CD226: variants seen among roughly 807,000 people sequenced by gnomAD.
CD226 encodes the protein CD226 molecule.
A neutral mutation model predicts 34.9 loss-of-function variants in CD226; 24 were observed. That is an observed-to-expected ratio of 0.69 (90% CI 0.50 to 0.97). The LOEUF (loss-of-function observed/expected upper bound fraction) is 0.97, where lower values mean the gene tolerates loss of function less well. Among genes scored for constraint, CD226 ranks in the 50% least tolerant of loss-of-function variants. The pLI is 0.00. For synonymous variants in CD226, 148 were observed against 147.4 expected (o/e 1.00, Z -0.03); for missense variants, 397 against 412.7 (o/e 0.96, Z 0.33).
At position 69,872,057 on chromosome 18, in the gene CD226, G is replaced by GGTGTGTGTGTGTGTGT. The variant is rs201644137; in HGVS notation, c.830+1071_830+1086dup. ...GACACTGGAAATCCTATTAACAAGG[G>GGTGTGTGTGTGTGTGT]GTGTGTGTGTGTGTGTGTGTGTGTG... On this transcript the variant is annotated intron_variant, in intron 4 of 5. Coordinates refer to ENST00000582621, the MANE Select transcript of CD226 (RefSeq NM_001303618.2). Among the ~76,000 whole-genome samples, 65 of 143,530 alleles carry GGTGTGTGTGTGTGTGT rather than the reference G, an allele frequency of 4.5e-4. 1 individual carries two copies. Among genetic ancestry groups the GGTGTGTGTGTGTGTGT allele is most frequent in the African/African-American group, 1.5e-3 (58 of 38,216 alleles). 94.2% of individuals were successfully genotyped at this position (143,530 alleles called of 152,430 possible).
upstream of CD226, among the ~76,000 whole-genome samples, chr18:69,960,465 G>GTTT (rs1320893835): frequency 6.6e-6 from 1 of 152,064 alleles, no homozygotes; most frequent in Middle Eastern, 3.2e-3. Context: ...CGTTGTTGTT[G>GTTT]TTGAGATGGA....
At position 69,863,924 on chromosome 18, in the gene CD226, G is replaced by C. The variant is rs1599366932; in HGVS notation, c.*390C>G. 1 of 156,402 alleles carries C rather than the reference G, an allele frequency of 6.4e-6. No homozygotes were observed. The highest frequency in any genetic ancestry group is 2.0e-4 in the South Asian group (1 of 4,922). The allele number at this position is 156,402 out of a possible 1,614,324, so 9.7% of individuals were successfully genotyped here. A position where few individuals can be genotyped will look rare whatever the true frequency, so the allele number is the denominator to read the frequency against. The stretch of plus-strand genomic sequence containing the variant: ...TGGCAGCCATCTTGCCAACACAAGA[G>C]GAAAGCCTGCATGAGAGTGAGGCCA... On this transcript the variant is annotated 3_prime_UTR_variant, in exon 6 of 6. Transcript: ENST00000582621.
intron 4 of CD226, among the ~76,000 whole-genome samples, chr18:69,872,057 GGTGTGTGTGTGTGTGTGTGT>G (rs201644137): frequency 2.1e-5 from 3 of 143,430 alleles, no homozygotes; most frequent in African/African-American, 7.9e-5. Flanking sequence ...ATTAACAAGG[GGTGTGTGTGTGTGTGTGTGT>G]GTGTGTGTGT....
intron 2 of CD226, among the ~76,000 whole-genome samples, chr18:69,931,867 A>G (rs572501979): frequency 2.0e-5 from 3 of 152,288 alleles, no homozygotes; most frequent in Non-Finnish European, 2.9e-5. Context: ...GGGCTGCCAT[A>G]ATAAAGTACC....
upstream of CD226, among the ~76,000 whole-genome samples, chr18:69,950,656 G>C (rs1241890198): frequency 2.6e-5 from 4 of 152,118 alleles, no homozygotes; most frequent in Non-Finnish European, 5.9e-5. Flanking sequence ...CACAAAGTCA[G>C]AGACTTTGTG....
chr18:69,950,159 T>TAC (rs528924097), upstream of CD226, among the ~76,000 whole-genome samples: 1,586 of 48,502 alleles, frequency 0.033, 10 homozygotes, highest in Non-Finnish European at 0.11. Flanking sequence ...CATCTGCACG[T>TAC]ACTCTCAAAC....
intron 5 of CD226, among the ~76,000 whole-genome samples, chr18:69,864,873 C>G (rs1983040162): frequency 6.6e-6 from 1 of 152,076 alleles, no homozygotes; most frequent in Admixed American, 6.5e-5. Context: ...GTCACTTTGA[C>G]CACATATGTA....
At chr18:69,884,230 C>G (rs1311156831) in intron 3 of CD226, among the ~76,000 whole-genome samples, 3 of 152,072 alleles carry the variant, frequency 2.0e-5, no homozygotes, top group Non-Finnish European at 4.4e-5. Context: ...CCACATGGAG[C>G]CTTGTGGAAT....
In CD226 at chr18:69,854,401, G is replaced by C. The variant is rs1982555927; in HGVS notation, c.*9913C>G. The C allele has an allele frequency of 6.6e-6, 1 of 152,236 alleles. No individual in the cohort carries two copies. The highest frequency in any genetic ancestry group is 6.5e-5 in the Admixed American group (1 of 15,288). The allele number at this position is 152,236 out of a possible 1,614,324, so 9.4% of individuals were successfully genotyped here. ...TGTGAGCAAGAAACCCATGGGGGCTGTGCTCTTGAGGCACTCCACACATTC... is the reference window on the plus strand; with the variant it reads ...TGTGAGCAAGAAACCCATGGGGGCTCTGCTCTTGAGGCACTCCACACATTC... On this transcript the variant is annotated 3_prime_UTR_variant, in exon 6 of 6. Coordinates refer to ENST00000582621, the MANE Select transcript of CD226 (RefSeq NM_001303618.2).
intron 5 of CD226, among the ~76,000 whole-genome samples, chr18:69,865,391 CT>C (rs1342715565): frequency 3.3e-5 from 5 of 151,312 alleles, no homozygotes; most frequent in Non-Finnish European, 7.4e-5. Flanking sequence ...GTTCTAATGT[CT>C]TTTTTTGACA....
chr18:69,873,147 T>C lies in CD226; in HGVS notation c.827A>G (p.Asn276Ser). Residue 276 changes from asparagine (N) to serine (S), a missense_variant, in exon 4 of 6, where the codon AAC (asparagine) becomes AGC (serine). By Grantham distance (46) the Asn-to-Ser change is conservative. Transcript: ENST00000582621. ...CAGCATAAGTTGCACTACTCACCTG[T>C]TAAGGAAAATGACAATGATGGTGGT... ...SITTIIVIFLNRRRRRERRDL... is the reference protein window; with the variant it reads ...SITTIIVIFLSRRRRRERRDL... The C allele has an allele frequency of 1.9e-6, 3 of 1,557,064 alleles. No homozygotes were observed. Among genetic ancestry groups the C allele is most frequent in the Non-Finnish European group, 2.7e-6 (3 of 1,128,258 alleles).
In CD226 at chr18:69,900,708, C is replaced by T. The variant is rs1337526045; in HGVS notation, c.383-4663G>A. Among the ~76,000 whole-genome samples the T allele has an allele frequency of 3.2e-3, 457 of 145,050 alleles. 4 individuals carry two copies. The highest frequency in any genetic ancestry group is 0.011 in the African/African-American group (411 of 38,576). ...GATTGCGCCACTGCAGTCCGCAGTC[C>T]GGCCTGGGCGACAGAGCGAGACTCC... On this transcript the variant is annotated intron_variant, in intron 2 of 5. Coordinates refer to ENST00000582621, the MANE Select transcript of CD226 (RefSeq NM_001303618.2).
intron 1 of CD226, among the ~76,000 whole-genome samples, chr18:69,954,020 T>C (rs940785725): frequency 1.4e-4 from 21 of 151,924 alleles, no homozygotes; most frequent in African/African-American, 5.1e-4. Context: ...AAAAAAAGTT[T>C]AATCTTATGT....
At chr18:69,924,853 A>T (rs944355492) in intron 2 of CD226, among the ~76,000 whole-genome samples, 5 of 152,198 alleles carry the variant, frequency 3.3e-5, no homozygotes, top group African/African-American at 1.2e-4. Flanking sequence ...AGAGAAAGAG[A>T]GGGAGAGAAA....
intron 3 of CD226, among the ~76,000 whole-genome samples, chr18:69,887,964 C>T (rs1257232497): frequency 3.3e-5 from 5 of 152,174 alleles, no homozygotes; most frequent in African/African-American, 9.6e-5. Flanking sequence ...TATACTTCTA[C>T]TTATGACAGA....
chr18:69,861,554 G>GTGTATATATATATATATATATATATA lies in CD226; in HGVS notation c.*2759_*2760insTATATATATATATATATATATATACA, dbSNP rs59216052. ...ATAAATTATATGTGTATATATATAT[G>GTGTATATATATATATATATATATATA]TATATATATATATATATATGTAAAA... On this transcript the variant is annotated 3_prime_UTR_variant, in exon 6 of 6. Transcript: ENST00000582621. 8.2e-4 allele frequency: 105 copies of GTGTATATATATATATATATATATATA among 127,930 alleles called. 1 individual carries two copies. The highest frequency in any genetic ancestry group is 2.3e-3 in the African/African-American group (85 of 36,356). The allele number at this position is 127,930 out of a possible 1,614,324, so 7.9% of individuals were successfully genotyped here.
intron 3 of CD226, among the ~76,000 whole-genome samples, chr18:69,884,976 G>C (rs1033861135): frequency 1.3e-5 from 2 of 152,152 alleles, no homozygotes; most frequent in Admixed American, 1.3e-4. Context: ...AAATTATTTT[G>C]TTTTCTACCT....
At chr18:69,884,657 C>A (rs1984457881) in intron 3 of CD226, among the ~76,000 whole-genome samples, 1 of 152,218 alleles carries the variant, frequency 6.6e-6, no homozygotes, top group Non-Finnish European at 1.5e-5. Flanking sequence ...AAGCACCTCA[C>A]TCAAGGTGCA....
intron 2 of CD226, among the ~76,000 whole-genome samples, chr18:69,914,455 T>C (rs1457492117): frequency 1.3e-5 from 2 of 152,226 alleles, no homozygotes; most frequent in African/African-American, 4.8e-5. Flanking sequence ...CAATTCCTTG[T>C]GATAGTTCTG....
Sources: gnomAD v4.1 joint callset for allele counts (sites outside exome capture counted in the v4.1 genomes callset) on GRCh38, gnomAD v4.1.1 for gene constraint, MANE v1.5 for transcripts, NCBI Gene and HGNC (gene_info 2026-07-23, HGNC 2026-07-21) for gene names.